The following ATP2A1 variants were observed in gnomAD, a reference collection of about 807,000 sequenced individuals.
ATP2A1 encodes the protein ATPase sarcoplasmic/endoplasmic reticulum Ca2+ transporting 1.
ATP2A1 carries 83 observed loss-of-function variants against 109.5 expected under a neutral mutation model. That is an observed-to-expected ratio of 0.76 (90% CI 0.63 to 0.91). The LOEUF is 0.91. Ranked by LOEUF, ATP2A1 falls within the 40% of genes least tolerant of loss-of-function variation. The pLI is 0.00. For missense variants in ATP2A1, 1,101 were observed against 1,341.0 expected (o/e 0.82, Z 2.80); for synonymous variants, 505 against 537.6 (o/e 0.94, Z 0.84).
rs117907232 is a variant in ATP2A1, at chr16:28,893,565, C to T, written c.1096-590C>T. Among the ~76,000 whole-genome samples the T allele has an allele frequency of 2.1e-3, 323 of 152,088 alleles. 7 individuals are homozygous for T. In the East Asian group the frequency reaches 0.022, roughly 10 times the overall value. ...GCTGTTTGCCACAGTCCCCACCATACCTTATTGTGTTCCATCTTATTTTAT... is the reference window on the plus strand; with the variant it reads ...GCTGTTTGCCACAGTCCCCACCATATCTTATTGTGTTCCATCTTATTTTAT... On this transcript the variant is annotated intron_variant, in intron 9 of 22. Transcript: ENST00000395503.
chr16:28,894,426 C>T, intron 10 of ATP2A1, 79 bp from the exon 11 acceptor site: 1 of 1,432,788 alleles, frequency 7.0e-7, no homozygotes, highest in Non-Finnish European at 9.7e-7. Flanking sequence ...GCTGCCTGCT[C>T]TTCCTGTGCC....
At chr16:28,895,294 G>T (rs1963886646) in intron 12 of ATP2A1, among the ~76,000 whole-genome samples, 1 of 152,204 alleles carries the variant, frequency 6.6e-6, no homozygotes, top group Non-Finnish European at 1.5e-5. Flanking sequence ...CTTGTTTTCA[G>T]CAGATGATGA....
intron 14 of ATP2A1, 56 bp from the exon 15 acceptor site, chr16:28,900,525 C>T: frequency 8.1e-6 from 12 of 1,488,758 alleles, no homozygotes; most frequent in Non-Finnish European, 1.1e-5. Flanking sequence ...CAGCTTCCTC[C>T]AGGGGAGTTT....
At chr16:28,891,101 G>A (rs1324315672) in intron 9 of ATP2A1, among the ~76,000 whole-genome samples, 1 of 152,042 alleles carries the variant, frequency 6.6e-6, no homozygotes, top group African/African-American at 2.4e-5. Flanking sequence ...TTCGAGAATA[G>A]CTTGTCCAAC....
Position 28,900,570 on chromosome 16 carries a change from T to TCC in ATP2A1, c.1765-11_1765-10insCC. On this transcript the variant is annotated splice_polypyrimidine_tract_variant and intron_variant, in intron 14 of 22. Transcript: ENST00000395503. ...CCACCTGACCTGTGGCTCTCTGCTG[T>TCC]ATCTCCCCAGACGGACCTGACATTC... The TCC allele has an allele frequency of 6.4e-7, 1 of 1,550,718 alleles. No individual in the cohort carries two copies. The highest frequency in any genetic ancestry group is 8.7e-7 in the Non-Finnish European group (1 of 1,146,488).
chr16:28,902,713 G>C lies in ATP2A1; in HGVS notation c.2610+48G>C, dbSNP rs756554479. The C allele has an allele frequency of 4.0e-5, 64 of 1,613,802 alleles. No individual in the cohort carries two copies. The highest frequency in any genetic ancestry group is 4.2e-5 in the Non-Finnish European group (50 of 1,179,884). The stretch of plus-strand genomic sequence containing the variant: ...GGGACCAGGAGGGTGTGGGGATGCA[G>C]GAGGGTACCAGGAGGGTGGCATGGA... On this transcript the variant is annotated intron_variant, in intron 18 of 22. Transcript: ENST00000395503. The surrounding 1 kb of genome is among the most constrained non-coding windows in gnomAD (Gnocchi z 4.8).
At chr16:28,897,195 TC>T (rs1388035149) in intron 12 of ATP2A1, among the ~76,000 whole-genome samples, 2 of 152,178 alleles carry the variant, frequency 1.3e-5, no homozygotes, top group Non-Finnish European at 2.9e-5. Context: ...AACATTTCTA[TC>T]ATTACTAAAA....
intron 9 of ATP2A1, 145 bp downstream of exon 9, chr16:28,889,098 C>A: frequency 8.2e-7 from 1 of 1,220,774 alleles, no homozygotes; most frequent in Non-Finnish European, 1.2e-6. Context: ...GAACGCCATC[C>A]TGTCTGCCAT....
rs767065944 is a variant in ATP2A1 at position 28,888,832 on chromosome 16, G to A, written c.974G>A (p.Arg325Gln). ...ITTCLALGTR[R>Q]MAKKNAIVRS... The stretch of plus-strand genomic sequence containing the variant: ...ACCTGCCTGGCCCTGGGTACCCGTC[G>A]GATGGCAAAGAAGAATGCCATTGTA... Residue 325 changes from arginine to glutamine, a missense_variant, in exon 9 of 23, where the codon CGG becomes CAG. Transcript: ENST00000395503. 1.2e-5 allele frequency: 19 copies of A among 1,611,216 alleles called. No individual in the cohort carries two copies. The highest frequency in any genetic ancestry group is 6.7e-5 in the East Asian group (3 of 44,726).
At position 28,878,947 on chromosome 16, in the gene ATP2A1, A is replaced by G. The variant is rs558842790; in HGVS notation, c.119-152A>G. 8.2e-6 allele frequency: 11 copies of G among 1,339,672 alleles called. No homozygotes were observed. In the East Asian group the frequency reaches 2.3e-4, roughly 28 times the overall value. The allele number at this position is 1,339,672 out of a possible 1,614,324, so 83.0% of individuals were successfully genotyped here. A position where few individuals can be genotyped will look rare whatever the true frequency, so the allele number is the denominator to read the frequency against. On this transcript the variant is annotated intron_variant, in intron 1 of 22. Coordinates refer to ENST00000395503, the MANE Select transcript of ATP2A1 (RefSeq NM_004320.6). ...GGGGAAGAAGATACTGAGAAAACAG[A>G]GTCCCGAGATCCAGAGTTTTGGGAG...
Position 28,887,496 on chromosome 16 carries a change from G to A in ATP2A1, c.702G>A (p.Lys234=). 9 of 1,614,108 alleles carry A rather than the reference G, an allele frequency of 5.6e-6. No homozygotes were observed. Among genetic ancestry groups the A allele is most frequent in the Non-Finnish European group, 5.9e-6 (7 of 1,180,008 alleles). The change falls in exon 8 of 23, where the codon AAG becomes AAA. Residue 234 remains lysine, a synonymous_variant. Coordinates refer to ENST00000395503, the MANE Select transcript of ATP2A1 (RefSeq NM_004320.6). ...ATTGVGTEIG[K]IRDQMAATEQ... Reference sequence around the variant, plus strand: ...CTGGTGTGGGCACCGAGATTGGGAAGATCCGAGACCAAATGGCTGCCACAG... The same window carrying A: ...CTGGTGTGGGCACCGAGATTGGGAAAATCCGAGACCAAATGGCTGCCACAG...
At chr16:28,889,041 C>T in intron 9 of ATP2A1, 88 bp downstream of exon 9, 1 of 1,551,950 alleles carries the variant, frequency 6.4e-7, no homozygotes, top group Non-Finnish European at 8.8e-7. Context: ...CTCCCTTCAT[C>T]ACTGCTGGCT....
Position 28,900,936 on chromosome 16 carries a change from TGCAGC to T in ATP2A1, c.2100+21_2100+25del. 6.2e-7 allele frequency: 1 copy of T among 1,613,718 alleles called. No individual in the cohort carries two copies. The highest frequency in any genetic ancestry group is 8.5e-7 in the Non-Finnish European group (1 of 1,179,730). ...GCCATGGTGAGAGGGCCCAGGCAGCTGCAGCCTTAGTGTCCACGGAGATGACCAGA... is the reference window on the plus strand; with the variant it reads ...GCCATGGTGAGAGGGCCCAGGCAGCTCTTAGTGTCCACGGAGATGACCAGA... On this transcript the variant is annotated intron_variant, in intron 15 of 22. Coordinates refer to ENST00000395503, the MANE Select transcript of ATP2A1 (RefSeq NM_004320.6).
Position 28,903,231 on chromosome 16 carries a change from G to A in ATP2A1, c.2862+84G>A, listed in dbSNP as rs371577198. 141 of 1,574,962 alleles carry A rather than the reference G, an allele frequency of 9.0e-5. No individual in the cohort carries two copies. In the East Asian group the frequency reaches 1.3e-3, roughly 14 times the overall value. On this transcript the variant is annotated intron_variant, in intron 20 of 22. Coordinates refer to ENST00000395503, the MANE Select transcript of ATP2A1 (RefSeq NM_004320.6). This position sits in a 1 kb window ranked among gnomAD's most constrained non-coding sequence, Gnocchi z 5.6. ...CATGACCACTCCCACCAGGGGCGCC[G>A]ATGTGGGAGGCTGGTGGGAGTGGGC...
In ATP2A1 at chr16:28,887,550, G is replaced by C; in HGVS notation, c.756G>C (p.Lys252Asn). The C allele has an allele frequency of 1.9e-6, 3 of 1,613,970 alleles. No individual in the cohort carries two copies. Among genetic ancestry groups the C allele is most frequent in the Non-Finnish European group, 2.5e-6 (3 of 1,179,990 alleles). ...TEQDKTPLQQ[K>N]LDEFGEQLSK... ...AGGACAAGACCCCCTTGCAGCAGAA[G>C]CTGGATGAGTTTGGGGAGCAGCTCT... Residue 252 changes from lysine (K) to asparagine (N), a missense_variant, in exon 8 of 23, where the codon AAG becomes AAC. Lys to Asn is a moderately conservative substitution (Grantham distance 94, BLOSUM62 0). Coordinates refer to ENST00000395503, the MANE Select transcript of ATP2A1 (RefSeq NM_004320.6).
intron 9 of ATP2A1, among the ~76,000 whole-genome samples, chr16:28,893,716 C>G (rs1262815755): frequency 6.8e-6 from 1 of 148,088 alleles, no homozygotes; most frequent in Non-Finnish European, 1.5e-5. Flanking sequence ...ATGGCACGAT[C>G]CTGGCTCACT....
rs748533882 is a variant in ATP2A1, at chr16:28,898,136, G to A, written c.1545+11G>A. ...AAGATGTTTGTCAAGGTCAGAAATC[G>A]GAATGTGCCTCAGCCCCCTCTTCTT... is the stretch of plus-strand genomic sequence containing the variant. On this transcript the variant is annotated intron_variant, in intron 13 of 22. Transcript: ENST00000395503. The surrounding 1 kb of genome is among the most constrained non-coding windows in gnomAD (Gnocchi z 4.0). 17 of 1,614,056 alleles carry A rather than the reference G, an allele frequency of 1.1e-5. No individual in the cohort carries two copies. Among genetic ancestry groups the A allele is most frequent in the African/African-American group, 5.3e-5 (4 of 74,932 alleles).
intron 9 of ATP2A1, chr16:28,892,700 C>CT (rs1177165444): frequency 1.3e-5 from 2 of 152,482 alleles, no homozygotes; most frequent in Non-Finnish European, 2.9e-5. Context: ...CCACATCCCT[C>CT]TAACGCACAG....
At chr16:28,888,351 G>A (rs1446796138) in intron 8 of ATP2A1, among the ~76,000 whole-genome samples, 1 of 151,806 alleles carries the variant, frequency 6.6e-6, no homozygotes, top group Non-Finnish European at 1.5e-5. Context: ...CCTTTTCCAA[G>A]TAAGGTAACA....
Sources: gnomAD v4.1 joint callset for allele counts (sites outside exome capture counted in the v4.1 genomes callset) on GRCh38, gnomAD v4.1.1 for gene constraint, Gnocchi (gnomAD v3.1) non-coding constraint, MANE v1.5 for transcripts, NCBI Gene and HGNC (gene_info 2026-07-23, HGNC 2026-07-21) for gene names.